MTX2: variants seen among roughly 807,000 people sequenced by gnomAD.
MTX2 encodes the protein metaxin-2.
Under a neutral mutation model 42.3 loss-of-function variants are expected in MTX2, and 35 were observed. The ratio of observed to expected loss-of-function variants is 0.83; its 90% CI spans 0.63 to 1.10. The LOEUF (loss-of-function observed/expected upper bound fraction) is 1.10, where lower values mean the gene tolerates loss of function less well. Ranked by LOEUF, MTX2 falls within the 50% of genes least tolerant of loss-of-function variation. MTX2 has a pLI of 0.00. For missense variants in MTX2, 307 were observed against 304.1 expected, an observed-to-expected ratio of 1.01 and a Z score of -0.07; for synonymous variants, 119 against 100.9, an observed-to-expected ratio of 1.18 and a Z score of -1.08.
At chr2:176,282,126 G>GTTTTTTTGTTTTTTTTTTTTTTTTTTTTT (rs1693091383) in intron 1 of MTX2, among the ~76,000 whole-genome samples, 1 of 26,432 alleles carries the variant, frequency 3.8e-5, no homozygotes, top group Non-Finnish European at 6.5e-5. Flanking sequence ...AGTTACAGTA[G>GTTTTTTTGTTTTTTTTTTTTTTTTTTTTT]TTTTTTTTTT....
intron 3 of MTX2, among the ~76,000 whole-genome samples, chr2:176,310,913 G>A (rs1041129536): frequency 2.0e-5 from 3 of 152,198 alleles, no homozygotes; most frequent in African/African-American, 7.2e-5. Flanking sequence ...ACTTGTGAAA[G>A]TCATTCTCTG....
intron 1 of MTX2, among the ~76,000 whole-genome samples, chr2:176,287,835 T>C (rs981619537): frequency 6.6e-6 from 1 of 152,078 alleles, no homozygotes; most frequent in African/African-American, 2.4e-5. Context: ...TCTTTGTATC[T>C]ACACCTGCTT....
chr2:176,301,501 C>T (rs979362976), intron 3 of MTX2, among the ~76,000 whole-genome samples: 20 of 152,102 alleles, frequency 1.3e-4, no homozygotes, highest in African/African-American at 4.8e-4. Flanking sequence ...CACAGCTACC[C>T]TATGAGGTAG....
At chr2:176,296,197 A>T (rs529080643) in intron 1 of MTX2, among the ~76,000 whole-genome samples, 13 of 152,234 alleles carry the variant, frequency 8.5e-5, no homozygotes, top group African/African-American at 2.4e-4. Context: ...GCCTAAAATT[A>T]TCTTTACTGG....
chr2:176,270,474 A>T (rs1252724662), intron 1 of MTX2: 9 of 1,246,570 alleles, frequency 7.2e-6, no homozygotes, highest in Non-Finnish European at 9.8e-6. Context: ...GAAATTAAAT[A>T]TTGTTGAGAA....
chr2:176,308,258 C>T (rs946360537), intron 3 of MTX2, among the ~76,000 whole-genome samples: 1 of 152,134 alleles, frequency 6.6e-6, no homozygotes, highest in Non-Finnish European at 1.5e-5. Flanking sequence ...CCGACTTGAT[C>T]ATGATGGATA....
chr2:176,326,401 T>C (rs1394911609), intron 4 of MTX2, among the ~76,000 whole-genome samples: 1 of 151,732 alleles, frequency 6.6e-6, no homozygotes, highest in Non-Finnish European at 1.5e-5. Context: ...GTTTTTTAAA[T>C]GTAGTTTACA....
intron 3 of MTX2, among the ~76,000 whole-genome samples, chr2:176,316,401 G>T (rs1230954840): frequency 6.6e-6 from 1 of 151,880 alleles, no homozygotes; most frequent in African/African-American, 2.4e-5. Flanking sequence ...TTATTTATTT[G>T]TTTGTTTGGT....
chr2:176,294,278 CTTTTTTT>C (rs750682515), intron 1 of MTX2, among the ~76,000 whole-genome samples: 2,699 of 125,318 alleles, frequency 0.022, 34 homozygotes, highest in Middle Eastern at 0.057. Flanking sequence ...GATGAATTAA[CTTTTTTT>C]TTTTTTTTTT....
At chr2:176,279,168 A>G (rs530275267) in intron 1 of MTX2, among the ~76,000 whole-genome samples, 40 of 152,272 alleles carry the variant, frequency 2.6e-4, no homozygotes, top group African/African-American at 9.1e-4. Flanking sequence ...AAGCCAAAGA[A>G]TTTCTTCATA....
chr2:176,273,568 A>G (rs1323403403), intron 1 of MTX2, among the ~76,000 whole-genome samples: 6 of 151,978 alleles, frequency 3.9e-5, no homozygotes, highest in Non-Finnish European at 7.4e-5. Flanking sequence ...GATATCTGGC[A>G]TCTCTCTGTG....
At chr2:176,283,292 C>G (rs1437946137) in intron 1 of MTX2, among the ~76,000 whole-genome samples, 1 of 152,188 alleles carries the variant, frequency 6.6e-6, no homozygotes, top group Non-Finnish European at 1.5e-5. Context: ...TCCTAGAGGG[C>G]AATGACAGTT....
At chr2:176,270,241 G>A in intron 1 of MTX2, 2 of 605,332 alleles carry the variant, frequency 3.3e-6, no homozygotes, top group Non-Finnish European at 4.9e-6. Flanking sequence ...CACAACCTGG[G>A]CTCACTGCAA....
intron 1 of MTX2, among the ~76,000 whole-genome samples, chr2:176,272,032 G>A (rs1301706388): frequency 1.3e-5 from 2 of 152,068 alleles, no homozygotes; most frequent in Non-Finnish European, 2.9e-5. Context: ...TAAAGAAAAT[G>A]TATATAAGAT....
chr2:176,323,259 A>G, intron 3 of MTX2, 133 bp from the exon 4 acceptor site: 1 of 703,466 alleles, frequency 1.4e-6, no homozygotes, highest in Non-Finnish European at 2.4e-6. Flanking sequence ...CCTTCACTTT[A>G]AATTGGTTCA....
chr2:176,292,758 A>G (rs1004984075), intron 1 of MTX2, among the ~76,000 whole-genome samples: 7 of 152,200 alleles, frequency 4.6e-5, no homozygotes, highest in South Asian at 2.1e-4. Context: ...CATGGTTTAC[A>G]TGTAATTTAC....
chr2:176,278,791 T>A (rs751137329), intron 1 of MTX2, among the ~76,000 whole-genome samples: 9 of 152,110 alleles, frequency 5.9e-5, no homozygotes, highest in Non-Finnish European at 1.2e-4. Context: ...AGTTATAATA[T>A]TCAGTAAATC....
chr2:176,275,738 G>T (rs1384952365), intron 1 of MTX2, among the ~76,000 whole-genome samples: 6 of 151,850 alleles, frequency 4.0e-5, no homozygotes, highest in African/African-American at 1.5e-4. Context: ...ATCCCATTTG[G>T]GCTACATGAC....
At position 176,271,167 on chromosome 2, in the gene MTX2, C is replaced by G. The variant is rs540458860; in HGVS notation, c.40+1498C>G. On this transcript the variant is annotated intron_variant, in intron 1 of 9. Coordinates refer to ENST00000249442, the MANE Select transcript of MTX2 (RefSeq NM_006554.5). ...TAGCTATTTGTAGTGATCTGTTACT[C>G]TAGGAGGAAGCATTTAAAAATGGAT... Among the ~76,000 whole-genome samples the G allele has an allele frequency of 8.5e-5, 13 of 152,158 alleles. No individual in the cohort carries two copies. The South Asian group carries it at 1.9e-3, about 22-fold the overall frequency.
Sources: allele counts gnomAD v4.1 joint callset (sites outside exome capture counted in the v4.1 genomes callset), GRCh38; gene constraint gnomAD v4.1.1; transcripts MANE v1.5; gene names NCBI Gene and HGNC (gene_info 2026-07-23, HGNC 2026-07-21).